Variants in CHN1 observed in about 807,000 individuals in gnomAD.
CHN1 encodes the protein N-chimaerin.
CHN1 carries 37 observed loss-of-function variants against 59.5 expected under a neutral mutation model. The observed-to-expected ratio is 0.62, with a 90% CI of 0.48 to 0.82. CHN1 has a LOEUF of 0.82. Ranked by LOEUF, CHN1 falls within the 40% of genes least tolerant of loss-of-function variation. The pLI is 0.00. For synonymous variants in CHN1, 206 were observed against 200.4 expected, an observed-to-expected ratio of 1.03 and a Z score of -0.24; for missense variants, 469 against 571.0, an observed-to-expected ratio of 0.82 and a Z score of 1.82.
intron 11 of CHN1, among the ~76,000 whole-genome samples, chr2:174,807,292 C>A (rs1684914389): frequency 6.6e-6 from 1 of 152,152 alleles, no homozygotes; most frequent in Non-Finnish European, 1.5e-5. Context: ...GGGTTTGCAT[C>A]ACTGCTTTGT....
intron 10 of CHN1, among the ~76,000 whole-genome samples, chr2:174,810,735 C>T (rs370666085): frequency 5.3e-5 from 8 of 152,322 alleles, no homozygotes; most frequent in African/African-American, 1.7e-4. Flanking sequence ...TTGCTTTCTG[C>T]CTCTGTTGCC....
intron 6 of CHN1, chr2:174,847,485 T>C: frequency 8.5e-7 from 1 of 1,182,968 alleles, no homozygotes; most frequent in South Asian, 2.4e-5. Flanking sequence ...ATGATACATT[T>C]CTAAAAGCTT....
At chr2:174,958,133 G>C (rs1690273448) in intron 1 of CHN1, among the ~76,000 whole-genome samples, 1 of 149,418 alleles carries the variant, frequency 6.7e-6, no homozygotes, top group Non-Finnish European at 1.5e-5. Context: ...AGGAAAGGGA[G>C]GGAAGGGAGG....
chr2:174,812,028 G>T, intron 9 of CHN1: 2 of 313,726 alleles, frequency 6.4e-6, no homozygotes, highest in Non-Finnish European at 1.1e-5. Context: ...ACTGAAAAAT[G>T]AATTTGTCTT....
At chr2:174,884,222 C>T (rs185490376) in intron 5 of CHN1, among the ~76,000 whole-genome samples, 60 of 151,930 alleles carry the variant, frequency 3.9e-4, no homozygotes, top group Non-Finnish European at 8.2e-4. Flanking sequence ...CCACCCACCT[C>T]GGTCTCCCAA....
At chr2:174,979,993 A>C (rs551913010) in intron 1 of CHN1, among the ~76,000 whole-genome samples, 35 of 152,318 alleles carry the variant, frequency 2.3e-4, no homozygotes, top group Admixed American at 1.6e-3. Flanking sequence ...TATATGTACC[A>C]TCTGACTCTC....
chr2:174,930,912 T>C (rs1279124615), intron 3 of CHN1, among the ~76,000 whole-genome samples: 1 of 152,032 alleles, frequency 6.6e-6, no homozygotes, highest in African/African-American at 2.4e-5. Flanking sequence ...ACTACAGGCA[T>C]GCACCACCTA....
chr2:174,939,847 C>T (rs1689603521), intron 3 of CHN1, among the ~76,000 whole-genome samples: 1 of 152,086 alleles, frequency 6.6e-6, no homozygotes, highest in Non-Finnish European at 1.5e-5. Context: ...TATATCTAAA[C>T]TGCAACTGGA....
At chr2:174,939,136 A>G (rs1213948902) in intron 3 of CHN1, among the ~76,000 whole-genome samples, 1 of 152,172 alleles carries the variant, frequency 6.6e-6, no homozygotes, top group African/African-American at 2.4e-5. Context: ...ATTCAATCAC[A>G]GAGCAAAGGT....
intron 6 of CHN1, among the ~76,000 whole-genome samples, chr2:174,855,082 C>T (rs929594336): frequency 2.0e-5 from 3 of 152,036 alleles, no homozygotes; most frequent in African/African-American, 7.2e-5. Flanking sequence ...CCACAAATAC[C>T]TAGTTTTTAA....
intron 5 of CHN1, among the ~76,000 whole-genome samples, chr2:174,903,066 C>G (rs1418367264): frequency 1.3e-5 from 2 of 152,136 alleles, no homozygotes; most frequent in African/African-American, 4.8e-5. Context: ...CACAGAAATC[C>G]CTTGCTTAAT....
At chr2:174,974,902 C>CAT (rs1690874341) in intron 1 of CHN1, among the ~76,000 whole-genome samples, 1 of 116,700 alleles carries the variant, frequency 8.6e-6, no homozygotes. Context: ...AATTAATACA[C>CAT]ACACACACAC....
rs1423114626 is a variant in CHN1 at position 174,799,314 on chromosome 2, CAGA to C, written c.*799_*801del. The C allele has an allele frequency of 5.5e-6, 2 of 366,018 alleles. No homozygotes were observed. The highest frequency in any genetic ancestry group is 5.4e-5 in the East Asian group (1 of 18,508). The allele number at this position is 366,018 out of a possible 1,614,324, so 22.7% of individuals were successfully genotyped here. On this transcript the variant is annotated 3_prime_UTR_variant, in exon 13 of 13. Coordinates refer to ENST00000409900, the MANE Select transcript of CHN1 (RefSeq NM_001822.7). ...ACTTTTAACAGTAAACAAAAGAGGT[CAGA>C]AGAAGTACTCAGTATTTAATAAATG...
At chr2:174,954,748 C>A (rs1026123260) in intron 1 of CHN1, among the ~76,000 whole-genome samples, 1 of 152,120 alleles carries the variant, frequency 6.6e-6, no homozygotes, top group Non-Finnish European at 1.5e-5. Flanking sequence ...TATGTTAACA[C>A]CTCACTCCTA....
At position 174,807,446 on chromosome 2, in the gene CHN1, C is replaced by CTGTGTGTGTGTGTGTGTGTG. The variant is rs71031071; in HGVS notation, c.1102+1439_1102+1458dup. Among the ~76,000 whole-genome samples, 21 of 83,844 alleles carry CTGTGTGTGTGTGTGTGTGTG rather than the reference C, an allele frequency of 2.5e-4. 2 individuals carry two copies. The highest frequency in any genetic ancestry group is 1.7e-3 in the East Asian group (4 of 2,330). 55.0% of individuals were successfully genotyped at this position (83,844 alleles called of 152,430 possible). On this transcript the variant is annotated intron_variant, in intron 11 of 12. Coordinates refer to ENST00000409900, the MANE Select transcript of CHN1 (RefSeq NM_001822.7). ...GACTAGGCAGCTTTTCACGGGCTATCTGTGTGTGTGTGTGTGTGTGTGTGT... is the reference window on the plus strand; with the variant it reads ...GACTAGGCAGCTTTTCACGGGCTATCTGTGTGTGTGTGTGTGTGTGTGTGTGTGTGTGTGTGTGTGTGTGT...
chr2:174,922,543 A>G (rs1689044283), intron 3 of CHN1, among the ~76,000 whole-genome samples: 1 of 151,990 alleles, frequency 6.6e-6, no homozygotes, highest in Non-Finnish European at 1.5e-5. Context: ...ATTTTTAAAT[A>G]TTTTTTTGGT....
At position 175,004,997 on chromosome 2, in the gene CHN1, A is replaced by G; in HGVS notation, c.-85T>C. 1 of 1,471,238 alleles carries G rather than the reference A, an allele frequency of 6.8e-7. No individual in the cohort carries two copies. The highest frequency in any genetic ancestry group is 9.0e-7 in the Non-Finnish European group (1 of 1,110,024). The allele number at this position is 1,471,238 out of a possible 1,614,324, so 91.1% of individuals were successfully genotyped here. ...CACCTCATCAGCCCGCCGCACCCAC[A>G]CCTCGGAGAGAGTGGGGTGCCCGAT... On this transcript the variant is annotated 5_prime_UTR_variant, in exon 1 of 13. Coordinates refer to ENST00000409900, the MANE Select transcript of CHN1 (RefSeq NM_001822.7).
chr2:174,819,611 C>T (rs559749268), intron 8 of CHN1, among the ~76,000 whole-genome samples: 2 of 152,212 alleles, frequency 1.3e-5, no homozygotes, highest in African/African-American at 4.8e-5. Flanking sequence ...AAGAAAAATA[C>T]TATTCAAGGG....
intron 12 of CHN1, among the ~76,000 whole-genome samples, chr2:174,800,616 A>AC (rs1380733051): frequency 2.0e-5 from 3 of 152,206 alleles, no homozygotes; most frequent in Admixed American, 1.3e-4. Flanking sequence ...CTGAGAAGGA[A>AC]CTGGGTCACC....
Sources: allele counts gnomAD v4.1 joint callset (sites outside exome capture counted in the v4.1 genomes callset), GRCh38; gene constraint gnomAD v4.1.1; transcripts MANE v1.5; gene names NCBI Gene and HGNC (gene_info 2026-07-23, HGNC 2026-07-21).